Variants in ITCH observed in about 807,000 individuals in gnomAD.
ITCH encodes the protein E3 ubiquitin-protein ligase Itchy homolog.
ITCH carries 28 observed loss-of-function variants against 126.8 expected under a neutral mutation model. The ratio of observed to expected loss-of-function variants is 0.22; its 90% CI spans 0.16 to 0.30. The LOEUF (loss-of-function observed/expected upper bound fraction) is 0.30. Ranked by LOEUF, ITCH falls within the 10% of genes least tolerant of loss-of-function variation. ITCH has a pLI of 1.00. For synonymous variants in ITCH, 342 were observed against 340.0 expected, an observed-to-expected ratio of 1.01 and a Z score of -0.06; for missense variants, 631 against 1,032.4, an observed-to-expected ratio of 0.61 and a Z score of 5.33.
chr20:34,373,233 C>A (rs1308377535), intron 2 of ITCH, among the ~76,000 whole-genome samples: 1 of 151,670 alleles, frequency 6.6e-6, no homozygotes, highest in Non-Finnish European at 1.5e-5. Flanking sequence ...CTCGACCTCC[C>A]AAAGTTCTGG....
At chr20:34,376,441 G>T (rs945674) in intron 2 of ITCH, among the ~76,000 whole-genome samples, 3 of 150,928 alleles carry the variant, frequency 2.0e-5, no homozygotes, top group Non-Finnish European at 4.4e-5. Flanking sequence ...GAGTGTGACC[G>T]TGTCTCAAAA....
chr20:34,460,098 T>G (rs1383952929), intron 13 of ITCH, among the ~76,000 whole-genome samples: 1 of 152,222 alleles, frequency 6.6e-6, no homozygotes, highest in Non-Finnish European at 1.5e-5. Context: ...ATCTTGCAAG[T>G]ATAACAATTG....
chr20:34,446,150 C>CT lies in ITCH; in HGVS notation c.1140+693dup, dbSNP rs1472033331. The stretch of plus-strand genomic sequence containing the variant: ...TCTCAAGTCATACAGTATCATTGAT[C>CT]TTTTGTCTGGAGGAAAAGGAAAATA... On this transcript the variant is annotated intron_variant, in intron 11 of 24. Transcript: ENST00000374864. 2.6e-5 allele frequency among the ~76,000 whole-genome samples: 4 copies of CT among 152,130 alleles called. No homozygotes were observed. The East Asian group carries it at 7.7e-4, about 29-fold the overall frequency.
chr20:34,453,075 A>G (rs1985450981), intron 12 of ITCH, among the ~76,000 whole-genome samples: 1 of 152,146 alleles, frequency 6.6e-6, no homozygotes, highest in Non-Finnish European at 1.5e-5. Context: ...TTTGGATTTG[A>G]TGTTCAGTAA....
intron 16 of ITCH, chr20:34,476,439 G>A (rs1200839458): frequency 6.5e-6 from 8 of 1,221,992 alleles, no homozygotes; most frequent in African/African-American, 4.7e-5. Context: ...CCGCAGAAGC[G>A]GCGCGCAGCA....
chr20:34,472,616 C>T (rs185727947), intron 16 of ITCH, among the ~76,000 whole-genome samples: 1 of 152,236 alleles, frequency 6.6e-6, no homozygotes. Flanking sequence ...TCAAGAAGTA[C>T]GGAATTGAAT....
At chr20:34,414,457 C>CTTTTTT (rs770240058) in intron 6 of ITCH, among the ~76,000 whole-genome samples, 1 of 70,826 alleles carries the variant, frequency 1.4e-5, no homozygotes, top group Admixed American at 2.1e-4. Context: ...ACTTTAAATC[C>CTTTTTT]TTTTTTTTTT....
intron 3 of ITCH, chr20:34,401,664 G>A: frequency 1.0e-6 from 1 of 977,428 alleles, no homozygotes; most frequent in Non-Finnish European, 1.2e-6. Context: ...GTAGACTGTG[G>A]AATCAATCGG....
intron 4 of ITCH, 55 bp from the exon 5 acceptor site, chr20:34,412,460 T>C: frequency 7.6e-7 from 1 of 1,315,170 alleles, no homozygotes; most frequent in East Asian, 2.4e-5. Flanking sequence ...TTATTTAGGA[T>C]CTCATTGTGA....
At chr20:34,433,928 A>G (rs954799171) in intron 7 of ITCH, among the ~76,000 whole-genome samples, 2 of 152,194 alleles carry the variant, frequency 1.3e-5, no homozygotes, top group African/African-American at 4.8e-5. Context: ...GATGGCAGAT[A>G]ATTTTTATTT....
intron 3 of ITCH, among the ~76,000 whole-genome samples, chr20:34,406,071 G>T (rs2039048811): frequency 6.6e-6 from 1 of 151,554 alleles, no homozygotes; most frequent in Non-Finnish European, 1.5e-5. Flanking sequence ...GCCCAGGCTG[G>T]ATTGCAGTGG....
intron 22 of ITCH, among the ~76,000 whole-genome samples, chr20:34,490,744 G>A (rs1302475410): frequency 6.6e-6 from 1 of 152,186 alleles, no homozygotes; most frequent in Non-Finnish European, 1.5e-5. Flanking sequence ...GTGATAGTGT[G>A]AAATACCACA....
At chr20:34,507,664 C>T in intron 24 of ITCH, 31 bp from the exon 25 acceptor site, 9 of 1,556,064 alleles carry the variant, frequency 5.8e-6, no homozygotes, top group Middle Eastern at 1.7e-4. Flanking sequence ...TGCATATTTC[C>T]TTTTCTCAAA....
Position 34,376,984 on chromosome 20 carries a change from G to A in ITCH, c.-22+7514G>A, listed in dbSNP as rs533143800. The stretch of plus-strand genomic sequence containing the variant: ...GGCTATATTCCTCTTTTCATGTTGT[G>A]AATCTTGCTTTATCCCTTACTCAGT... On this transcript the variant is annotated intron_variant, in intron 2 of 24. Coordinates refer to ENST00000374864, the MANE Select transcript of ITCH (RefSeq NM_031483.7). Among the ~76,000 whole-genome samples, 6 of 152,292 alleles carry A rather than the reference G, an allele frequency of 3.9e-5. No individual in the cohort carries two copies. In the East Asian group the frequency reaches 7.7e-4, roughly 20 times the overall value.
At chr20:34,471,556 A>G (rs1987621956) in intron 16 of ITCH, 41 bp downstream of exon 16, 1 of 1,229,974 alleles carries the variant, frequency 8.1e-7, no homozygotes, top group Admixed American at 1.7e-5. Context: ...CCTGGCTGCT[A>G]GCTTAGGACC....
chr20:34,397,843 C>G (rs889148115), intron 3 of ITCH, among the ~76,000 whole-genome samples: 4 of 152,008 alleles, frequency 2.6e-5, no homozygotes, highest in African/African-American at 7.2e-5. Context: ...TAGAACAGTC[C>G]TTTAAAACAT....
At chr20:34,423,116 T>C (rs1219667891) in intron 6 of ITCH, among the ~76,000 whole-genome samples, 2 of 152,096 alleles carry the variant, frequency 1.3e-5, no homozygotes, top group African/African-American at 4.8e-5. Flanking sequence ...TCTCTAAAAA[T>C]TCGTCTTTTT....
chr20:34,428,893 G>T (rs751356010), intron 7 of ITCH, among the ~76,000 whole-genome samples: 1 of 152,086 alleles, frequency 6.6e-6, no homozygotes, highest in Non-Finnish European at 1.5e-5. Flanking sequence ...TGGAATAGGG[G>T]AACAAAGTTA....
Position 34,392,211 on chromosome 20 carries a change from T to C in ITCH, c.-21-1580T>C, listed in dbSNP as rs759655006. Among the ~76,000 whole-genome samples, 25 of 152,212 alleles carry C rather than the reference T, an allele frequency of 1.6e-4. 1 individual carries two copies. Among genetic ancestry groups the C allele is most frequent in the Admixed American group, 2.6e-4 (4 of 15,268 alleles). On this transcript the variant is annotated intron_variant, in intron 2 of 24. Coordinates refer to ENST00000374864, the MANE Select transcript of ITCH (RefSeq NM_031483.7). Reference sequence around the variant, plus strand: ...ATCTTGTGCAATATGGTGTTAAGGCTTTTAGGTTACATCTCATTTCTGAAT... The same window carrying C: ...ATCTTGTGCAATATGGTGTTAAGGCCTTTAGGTTACATCTCATTTCTGAAT...
Sources: allele counts gnomAD v4.1 joint callset (sites outside exome capture counted in the v4.1 genomes callset), GRCh38; gene constraint gnomAD v4.1.1; transcripts MANE v1.5; gene names NCBI Gene and HGNC (gene_info 2026-07-23, HGNC 2026-07-21).